AS3MT: variants seen among roughly 807,000 people sequenced by gnomAD.
AS3MT encodes the protein S-adenosyl-L-methionine:arsenic(III) methyltransferase.
AS3MT carries 47 observed loss-of-function variants against 45.3 expected under a neutral mutation model. That is an observed-to-expected ratio of 1.04 (90% CI 0.82 to 1.32). AS3MT has a LOEUF of 1.32. AS3MT is among the 40% of genes most tolerant of loss of function. The pLI, the probability that AS3MT is intolerant of heterozygous loss-of-function variation, is 0.00. For synonymous variants in AS3MT, 141 were observed against 152.8 expected, an observed-to-expected ratio of 0.92 and a Z score of 0.57; for missense variants, 396 against 451.1, an observed-to-expected ratio of 0.88 and a Z score of 1.11.
intron 9 of AS3MT, among the ~76,000 whole-genome samples, chr10:102,889,614 G>GCCTGCCTGCCTT (rs559139049): frequency 0.014 from 1,639 of 113,964 alleles, 16 homozygotes; most frequent in Middle Eastern, 0.024. Context: ...CTGTCTGCCT[G>GCCTGCCTGCCTT]CCTTCCTTCC....
At chr10:102,889,107 G>T (rs948338280) in intron 9 of AS3MT, among the ~76,000 whole-genome samples, 10 of 151,232 alleles carry the variant, frequency 6.6e-5, no homozygotes, top group Non-Finnish European at 8.9e-5. Context: ...AGCCAGGATG[G>T]TCTCAATCTC....
intron 10 of AS3MT, among the ~76,000 whole-genome samples, chr10:102,897,197 A>C (rs1273597773): frequency 6.6e-6 from 1 of 151,856 alleles, no homozygotes; most frequent in African/African-American, 2.4e-5. Context: ...ATCCTGGCTA[A>C]CACGGTGAAA....
intron 10 of AS3MT, among the ~76,000 whole-genome samples, chr10:102,891,822 T>C (rs896686104): frequency 6.6e-6 from 1 of 151,660 alleles, no homozygotes; most frequent in Non-Finnish European, 1.5e-5. Flanking sequence ...TGGTGGTGCA[T>C]GCTGGTAGTT....
chr10:102,870,160 C>A lies in AS3MT; in HGVS notation c.119C>A (p.Pro40His). 1 of 1,614,194 alleles carries A rather than the reference C, an allele frequency of 6.2e-7. No homozygotes were observed. Among genetic ancestry groups the A allele is most frequent in the Non-Finnish European group, 8.5e-7 (1 of 1,180,034 alleles). ...NGCVTTARPVPKHIREALQNV... is the reference protein window; with the variant it reads ...NGCVTTARPVHKHIREALQNV... The stretch of plus-strand genomic sequence containing the variant: ...TGTGTCACCACAGCCAGGCCGGTCC[C>A]CAAGCACATCCGGGAAGCCTTGCAA... Residue 40 changes from proline (P) to histidine (H), a missense_variant, in exon 3 of 11, where the codon CCC (proline) becomes CAC (histidine). Physicochemically the swap from Pro to His is moderately conservative, Grantham distance 77 (BLOSUM62 -2). Coordinates refer to ENST00000369880, the MANE Select transcript of AS3MT (RefSeq NM_020682.4).
intron 10 of AS3MT, among the ~76,000 whole-genome samples, chr10:102,893,721 G>C (rs544574580): frequency 1.3e-5 from 2 of 151,804 alleles, no homozygotes; most frequent in Non-Finnish European, 2.9e-5. Flanking sequence ...GGCTGGTCTC[G>C]AACTCCTTAC....
Position 102,872,492 on chromosome 10 carries a change from G to T in AS3MT, c.215G>T (p.Cys72Phe). The T allele has an allele frequency of 6.2e-7, 1 of 1,614,070 alleles. No individual in the cohort carries two copies. The change falls in exon 4 of 11, where the codon TGC becomes TTC. Residue 72 changes from cysteine (C) to phenylalanine (F), a missense_variant. Physicochemically the swap from Cys to Phe is radical, Grantham distance 205. Transcript: ENST00000369880. ...GLVIPEHLEN[C>F]WILDLGSGSG... is the part of the protein sequence containing the mutation. ...GTGATCCCTGAGCATCTAGAAAACT[G>T]CTGGATTTTGGATCTGGGTAGTGGA... is the stretch of plus-strand genomic sequence containing the variant.
chr10:102,883,169 C>T (rs1338811298), intron 9 of AS3MT, among the ~76,000 whole-genome samples: 2 of 150,096 alleles, frequency 1.3e-5, no homozygotes, highest in Non-Finnish European at 3.0e-5. Context: ...GGTGCAATCT[C>T]GGCTCACTGC....
intron 7 of AS3MT, among the ~76,000 whole-genome samples, chr10:102,877,945 G>T (rs1034155649): frequency 4.0e-5 from 6 of 151,884 alleles, no homozygotes; most frequent in Non-Finnish European, 8.8e-5. Flanking sequence ...TAGAGATGGG[G>T]TTTCACTGTG....
intron 3 of AS3MT, among the ~76,000 whole-genome samples, chr10:102,870,564 A>G (rs1345127097): frequency 6.6e-6 from 1 of 151,970 alleles, no homozygotes; most frequent in African/African-American, 2.4e-5. Context: ...CTTTAAAAAA[A>G]TTGCCTAAAA....
chr10:102,876,001 A>G (rs1326182590), intron 6 of AS3MT, among the ~76,000 whole-genome samples: 1 of 152,016 alleles, frequency 6.6e-6, no homozygotes, highest in Non-Finnish European at 1.5e-5. Flanking sequence ...ATATCTATAT[A>G]GAAATGATTT....
intron 10 of AS3MT, 37 bp from the exon 11 acceptor site, chr10:102,900,556 T>C: frequency 6.7e-7 from 1 of 1,484,148 alleles, no homozygotes; most frequent in Non-Finnish European, 9.4e-7. Flanking sequence ...CAAAACACCT[T>C]TAACTTGTCC....
chr10:102,888,726 TTTTC>T (rs1844999955), intron 9 of AS3MT, among the ~76,000 whole-genome samples: 1 of 125,000 alleles, frequency 8.0e-6, no homozygotes, highest in Non-Finnish European at 1.8e-5. Flanking sequence ...TGGCCCTGTC[TTTTC>T]TTTATGTTGG....
intron 5 of AS3MT, among the ~76,000 whole-genome samples, chr10:102,874,256 GAA>G (rs751101745): frequency 7.1e-6 from 1 of 140,038 alleles, no homozygotes. Context: ...ATCCTCTCGG[GAA>G]AAAAAAAAAA....
At chr10:102,878,304 A>T (rs1844819187) in intron 7 of AS3MT, 75 bp from the exon 8 acceptor site, 1 of 1,545,090 alleles carries the variant, frequency 6.5e-7, no homozygotes, top group Admixed American at 2.0e-5. Context: ...AATTAATTAT[A>T]TAGAAGAATA....
At chr10:102,889,689 C>T (rs1051246062) in intron 9 of AS3MT, among the ~76,000 whole-genome samples, 1 of 146,802 alleles carries the variant, frequency 6.8e-6, no homozygotes, top group South Asian at 2.3e-4. Context: ...CCCCCCCGCC[C>T]CTTTCAGATG....
intron 9 of AS3MT, among the ~76,000 whole-genome samples, chr10:102,888,877 ATATAT>A (rs1167727079): frequency 3.9e-3 from 188 of 47,714 alleles, no homozygotes; most frequent in Non-Finnish European, 5.2e-3. Flanking sequence ...ATATATATAT[ATATAT>A]TTTTTTTTTT....
intron 5 of AS3MT, 117 bp from the exon 6 acceptor site, chr10:102,874,475 C>T (rs145297616): frequency 1.6e-5 from 11 of 679,864 alleles, no homozygotes; most frequent in Non-Finnish European, 2.4e-5. Flanking sequence ...AGGAGGGAGG[C>T]GGTAAGAATG....
At chr10:102,897,141 TG>T (rs1407018044) in intron 10 of AS3MT, among the ~76,000 whole-genome samples, 4 of 151,898 alleles carry the variant, frequency 2.6e-5, no homozygotes, top group African/African-American at 4.8e-5. Context: ...CCCAGCACTT[TG>T]GGGAGGCCGA....
chr10:102,897,110 G>C (rs559937048), intron 10 of AS3MT, among the ~76,000 whole-genome samples: 2 of 152,040 alleles, frequency 1.3e-5, no homozygotes, highest in Non-Finnish European at 2.9e-5. Flanking sequence ...ATCAGAAGGC[G>C]TGGTGGCTCA....
Sources: gnomAD v4.1 joint callset for allele counts (sites outside exome capture counted in the v4.1 genomes callset) on GRCh38, gnomAD v4.1.1 for gene constraint, MANE v1.5 for transcripts, NCBI Gene and HGNC (gene_info 2026-07-23, HGNC 2026-07-21) for gene names.